GALNT17: variants seen among roughly 807,000 people sequenced by gnomAD.
The protein encoded by GALNT17 is UDP-GalNAc:polypeptide N-acetylgalactosaminyltransferase-like 3.
In GALNT17, 29 loss-of-function variants were observed where a neutral mutation model predicts 63.7. The observed-to-expected ratio is 0.46, with a 90% CI of 0.34 to 0.62. GALNT17 has a LOEUF of 0.62. Among genes scored for constraint, GALNT17 ranks in the 20% least tolerant of loss-of-function variants. The pLI is 0.01. For synonymous variants in GALNT17, 305 were observed against 318.3 expected, an observed-to-expected ratio of 0.96 and a Z score of 0.45; for missense variants, 603 against 799.6, an observed-to-expected ratio of 0.75 and a Z score of 2.97.
chr7:71,499,182 A>C (rs1245661429), intron 5 of GALNT17, among the ~76,000 whole-genome samples: 1 of 152,148 alleles, frequency 6.6e-6, no homozygotes, highest in Non-Finnish European at 1.5e-5. Context: ...TCAGACCGTC[A>C]TCCCCTTACC....
chr7:71,503,922 C>T (rs1384639792), intron 5 of GALNT17, among the ~76,000 whole-genome samples: 4 of 151,946 alleles, frequency 2.6e-5, no homozygotes, highest in African/African-American at 7.2e-5. Flanking sequence ...AGTGAAACCC[C>T]GTCTCTACTA....
intron 1 of GALNT17, among the ~76,000 whole-genome samples, chr7:71,227,155 T>C (rs1358327342): frequency 8.8e-6 from 1 of 113,462 alleles, no homozygotes; most frequent in Non-Finnish European, 1.6e-5. Context: ...CTGGGCAAGA[T>C]AGGGAGACAC....
Position 71,390,302 on chromosome 7 carries a change from A to G in GALNT17, c.589+1901A>G, listed in dbSNP as rs551634104. 1.3e-4 allele frequency among the ~76,000 whole-genome samples: 20 copies of G among 152,246 alleles called. No homozygotes were observed. The East Asian group carries it at 3.9e-3, about 29-fold the overall frequency. ...AGGAGCACAGGAATGAGCCTCTCCT[A>G]TTTAATCAGCCTGGGAGCTGATATC... On this transcript the variant is annotated intron_variant, in intron 3 of 10. Coordinates refer to ENST00000333538, the MANE Select transcript of GALNT17 (RefSeq NM_022479.3).
chr7:71,377,108 A>ATATATATATATATAT (rs1491192562), intron 2 of GALNT17, among the ~76,000 whole-genome samples: 3 of 45,078 alleles, frequency 6.7e-5, no homozygotes, highest in African/African-American at 1.2e-4. Flanking sequence ...AAATAAAAAT[A>ATATATATATATATAT]AAAAAAATAT....
intron 5 of GALNT17, among the ~76,000 whole-genome samples, chr7:71,566,770 A>T (rs1442760645): frequency 2.7e-5 from 4 of 149,552 alleles, no homozygotes; most frequent in Non-Finnish European, 5.9e-5. Context: ...AACACTGTTT[A>T]TGTGGAGAAG....
chr7:71,321,902 C>CCTTTCTTT (rs1554353222), intron 1 of GALNT17, among the ~76,000 whole-genome samples: 1 of 70,006 alleles, frequency 1.4e-5, no homozygotes, highest in African/African-American at 6.0e-5. Flanking sequence ...TTCCTTCCTT[C>CCTTTCTTT]CTTCCTTCCT....
chr7:71,362,406 T>C (rs1026129323), intron 2 of GALNT17, among the ~76,000 whole-genome samples: 7 of 152,188 alleles, frequency 4.6e-5, no homozygotes, highest in Non-Finnish European at 1.5e-5. Flanking sequence ...GCAATTAGAA[T>C]GTTTGCCGCC....
At chr7:71,144,017 T>A (rs1021143627) in intron 1 of GALNT17, among the ~76,000 whole-genome samples, 3 of 152,192 alleles carry the variant, frequency 2.0e-5, no homozygotes, top group African/African-American at 7.2e-5. Context: ...ATTTGCTCCC[T>A]CTGTGACTCC....
chr7:71,313,729 C>T (rs1562994319), intron 1 of GALNT17, among the ~76,000 whole-genome samples: 1 of 152,054 alleles, frequency 6.6e-6, no homozygotes, highest in South Asian at 2.1e-4. Flanking sequence ...CTCAGAGGTT[C>T]TCTGAGTTTC....
chr7:71,177,664 A>G (rs776159505), intron 1 of GALNT17, among the ~76,000 whole-genome samples: 3 of 152,198 alleles, frequency 2.0e-5, no homozygotes, highest in Non-Finnish European at 4.4e-5. Flanking sequence ...GAGGGCCAGC[A>G]TGGAAAAAAA....
chr7:71,617,551 A>C (rs954224051), intron 6 of GALNT17, among the ~76,000 whole-genome samples: 7 of 151,926 alleles, frequency 4.6e-5, no homozygotes, highest in Admixed American at 4.6e-4. Context: ...CGATCTCTTG[A>C]CCTCGTGATC....
chr7:71,348,363 A>G (rs1293352699), intron 2 of GALNT17, among the ~76,000 whole-genome samples: 1 of 152,216 alleles, frequency 6.6e-6, no homozygotes, highest in Non-Finnish European at 1.5e-5. Flanking sequence ...TGAATTGGCA[A>G]TGTTAATTAG....
chr7:71,545,231 A>G (rs1788962851), intron 5 of GALNT17, among the ~76,000 whole-genome samples: 1 of 152,098 alleles, frequency 6.6e-6, no homozygotes, highest in South Asian at 2.1e-4. Flanking sequence ...CTTCATTTCT[A>G]GAAGTTTCAC....
At chr7:71,355,196 CTTT>C (rs936553562) in intron 2 of GALNT17, among the ~76,000 whole-genome samples, 12 of 152,154 alleles carry the variant, frequency 7.9e-5, no homozygotes, top group Admixed American at 2.0e-4. Context: ...TTGAGTTCTG[CTTT>C]TTATGTTTAT....
In GALNT17 at chr7:71,143,308, G is replaced by A. The variant is rs192001601; in HGVS notation, c.238+10268G>A. ...GTGGTGGCGGGCACCCGTCATCCCA[G>A]TTACTTGGGAGGCTGAGGCAGGAGA... On this transcript the variant is annotated intron_variant, in intron 1 of 10. Coordinates refer to ENST00000333538, the MANE Select transcript of GALNT17 (RefSeq NM_022479.3). Among the ~76,000 whole-genome samples, 8 of 150,176 alleles carry A rather than the reference G, an allele frequency of 5.3e-5. No individual in the cohort carries two copies. The Admixed American group carries it at 5.4e-4, about 10-fold the overall frequency.
rs1554345967 is a variant in GALNT17, at chr7:71,265,098, T to TTATATATATATATATATA, written c.239-70448_239-70431dup. Among the ~76,000 whole-genome samples, 25 of 78,366 alleles carry TTATATATATATATATATA rather than the reference T, an allele frequency of 3.2e-4. 2 individuals carry two copies. The highest frequency in any genetic ancestry group is 6.0e-3 in the Middle Eastern group (1 of 168). 51.4% of individuals were successfully genotyped at this position (78,366 alleles called of 152,430 possible). ...AAATACCACACGTAACCCATAAATA[T>TTATATATATATATATATA]TATATATATATATATATATATTTTT... is the stretch of plus-strand genomic sequence containing the variant. On this transcript the variant is annotated intron_variant, in intron 1 of 10. Coordinates refer to ENST00000333538, the MANE Select transcript of GALNT17 (RefSeq NM_022479.3).
At chr7:71,181,401 A>G (rs4719087) in intron 1 of GALNT17, among the ~76,000 whole-genome samples, 39,644 of 152,078 alleles carry the variant, frequency 0.26, 9,554 homozygotes, top group African/African-American at 0.65. Flanking sequence ...AAGAAAAGGG[A>G]GGGTCAAGGG....
At chr7:71,225,790 A>G (rs1201447131) in intron 1 of GALNT17, among the ~76,000 whole-genome samples, 1 of 152,218 alleles carries the variant, frequency 6.6e-6, no homozygotes, top group Non-Finnish European at 1.5e-5. Context: ...AATAATGGGC[A>G]ATTGATTAAG....
chr7:71,294,125 G>A (rs1791034109), intron 1 of GALNT17, among the ~76,000 whole-genome samples: 1 of 149,714 alleles, frequency 6.7e-6, no homozygotes, highest in South Asian at 2.1e-4. Context: ...TCACAGCACT[G>A]CACTCCAGCC....
Sources: gnomAD v4.1 joint callset for allele counts (sites outside exome capture counted in the v4.1 genomes callset) on GRCh38, gnomAD v4.1.1 for gene constraint, MANE v1.5 for transcripts, NCBI Gene and HGNC (gene_info 2026-07-23, HGNC 2026-07-21) for gene names.